PIBF1: variants seen among roughly 807,000 people sequenced by gnomAD.
The protein encoded by PIBF1 is progesterone immunomodulatory binding factor 1.
In PIBF1, 90 loss-of-function variants were observed where a neutral mutation model predicts 112.5. The observed-to-expected ratio is 0.80, with a 90% CI of 0.67 to 0.95. PIBF1 has a LOEUF of 0.95. PIBF1 is among the 40% of genes least tolerant of loss of function. The probability of loss-of-function intolerance (pLI) is 0.00; values close to 1 mark genes in which losing one functional copy is unlikely to be tolerated. For missense variants in PIBF1, 915 were observed against 852.3 expected, an observed-to-expected ratio of 1.07 and a Z score of -0.92; for synonymous variants, 301 against 288.6, an observed-to-expected ratio of 1.04 and a Z score of -0.44.
Position 72,893,933 on chromosome 13 carries a change from A to T in PIBF1, c.1472A>T (p.Tyr491Phe). The T allele has an allele frequency of 1.3e-6, 2 of 1,598,434 alleles. No homozygotes were observed. The highest frequency in any genetic ancestry group is 1.7e-6 in the Non-Finnish European group (2 of 1,173,050). ...CAGTGTCAATTGGAATGTGAAAAAT[A>T]TCAGAAAAAATTGGAGGTACATGTA... The part of the protein sequence containing the change: ...LTQCQLECEK[Y>F]QKKLEVLTKE... Residue 491 changes from tyrosine to phenylalanine, a missense_variant, in exon 11 of 18, where the codon TAT becomes TTT. By Grantham distance (22) the Tyr-to-Phe change is conservative. Coordinates refer to ENST00000326291, the MANE Select transcript of PIBF1 (RefSeq NM_006346.4).
intron 9 of PIBF1, among the ~76,000 whole-genome samples, chr13:72,843,701 C>T (rs574110863): frequency 1.3e-5 from 2 of 152,268 alleles, no homozygotes; most frequent in East Asian, 1.9e-4. Context: ...CATGAGCCAC[C>T]GCGCCTGGCC....
intron 5 of PIBF1, among the ~76,000 whole-genome samples, chr13:72,818,678 CTTT>C (rs3077726): frequency 2.6e-4 from 21 of 80,392 alleles, no homozygotes; most frequent in East Asian, 1.6e-3. Flanking sequence ...CAGTCTTAAA[CTTT>C]TTTTTTTTTT....
chr13:72,827,347 C>T (rs757266204), intron 7 of PIBF1, among the ~76,000 whole-genome samples: 25 of 143,574 alleles, frequency 1.7e-4, no homozygotes, highest in Admixed American at 4.5e-4. Context: ...CTCCCAGGTT[C>T]AAACGATTCT....
chr13:72,833,722 G>A (rs1359596384), intron 8 of PIBF1, among the ~76,000 whole-genome samples: 1 of 152,160 alleles, frequency 6.6e-6, no homozygotes, highest in Non-Finnish European at 1.5e-5. Context: ...AGGATACACG[G>A]GGGTCAGGGA....
chr13:72,885,246 A>G (rs76735122), intron 10 of PIBF1, among the ~76,000 whole-genome samples: 327 of 152,198 alleles, frequency 2.1e-3, no homozygotes, highest in African/African-American at 7.5e-3. Flanking sequence ...CCTAACCTAT[A>G]ATCATTTTGG....
chr13:72,933,134 AG>A (rs2041763092), intron 14 of PIBF1, among the ~76,000 whole-genome samples: 8 of 152,250 alleles, frequency 5.3e-5, no homozygotes, highest in Admixed American at 5.2e-4. Flanking sequence ...AATATATTGT[AG>A]ATCCCTCATG....
Position 72,927,950 on chromosome 13 carries a change from TATATATATACAC to T in PIBF1, c.1731-3205_1731-3194del, listed in dbSNP as rs1395102751. Among the ~76,000 whole-genome samples the T allele has an allele frequency of 1.9e-3, 122 of 64,154 alleles. 1 individual carries two copies. Among genetic ancestry groups the T allele is most frequent in the African/African-American group, 3.7e-3 (58 of 15,844 alleles). 42.1% of individuals were successfully genotyped at this position (64,154 alleles called of 152,430 possible). On this transcript the variant is annotated intron_variant, in intron 13 of 17. Transcript: ENST00000326291. ...ACCATTTCTAATATATGTGTGTATA[TATATATATACAC>T]ATATATATATATATACATATATATA...
At chr13:72,884,622 T>C (rs2039772918) in intron 10 of PIBF1, 1 of 152,236 alleles carries the variant, frequency 6.6e-6, no homozygotes, top group East Asian at 1.9e-4. Context: ...AGGCTCTTTA[T>C]TATTTCATTT....
At chr13:72,937,842 C>T (rs536406110) in intron 14 of PIBF1, among the ~76,000 whole-genome samples, 2 of 152,028 alleles carry the variant, frequency 1.3e-5, no homozygotes, top group Admixed American at 1.3e-4. Context: ...ATGAAATAAA[C>T]AGTGATAATC....
chr13:72,957,861 A>G (rs1403341172), intron 14 of PIBF1, among the ~76,000 whole-genome samples: 2 of 152,080 alleles, frequency 1.3e-5, no homozygotes, highest in Non-Finnish European at 2.9e-5. Flanking sequence ...AAGTGGAAGG[A>G]GGATTGCTTG....
intron 17 of PIBF1, among the ~76,000 whole-genome samples, chr13:73,012,594 CAAA>C (rs767218753): frequency 6.7e-6 from 1 of 149,200 alleles, no homozygotes; most frequent in Non-Finnish European, 1.5e-5. Context: ...CAAAAAAAAA[CAAA>C]AAAAACACTT....
intron 17 of PIBF1, among the ~76,000 whole-genome samples, chr13:73,004,266 G>A (rs907163285): frequency 6.6e-6 from 1 of 152,004 alleles, no homozygotes; most frequent in Non-Finnish European, 1.5e-5. Context: ...CGAGGTGGGC[G>A]GCTCACCTGA....
chr13:72,802,583 A>G (rs1367837806), intron 5 of PIBF1, among the ~76,000 whole-genome samples: 1 of 152,206 alleles, frequency 6.6e-6, no homozygotes, highest in Non-Finnish European at 1.5e-5. Flanking sequence ...GTTAGTTTGA[A>G]TAACTGGAAG....
In PIBF1 at chr13:72,924,568, A is replaced by T. The variant is rs116803937; in HGVS notation, c.1731-6597A>T. 5.3e-3 allele frequency among the ~76,000 whole-genome samples: 814 copies of T among 152,278 alleles called. 15 individuals carry two copies. Among genetic ancestry groups the T allele is most frequent in the African/African-American group, 0.018 (763 of 41,552 alleles). On this transcript the variant is annotated intron_variant, in intron 13 of 17. Coordinates refer to ENST00000326291, the MANE Select transcript of PIBF1 (RefSeq NM_006346.4). ...GAAACACAGCCTCTACAAAAATTTT[A>T]AAAATGAGCCAATCACCCTAATGCA...
chr13:72,872,803 C>T (rs1446440762), intron 10 of PIBF1, among the ~76,000 whole-genome samples: 1 of 152,066 alleles, frequency 6.6e-6, no homozygotes, highest in East Asian at 1.9e-4. Flanking sequence ...TAGCGCTATA[C>T]ATTTAAAACT....
chr13:73,005,759 T>A (rs1168973481), intron 17 of PIBF1, among the ~76,000 whole-genome samples: 1 of 152,082 alleles, frequency 6.6e-6, no homozygotes, highest in African/African-American at 2.4e-5. Flanking sequence ...ATAACACACA[T>A]GGAAAATTAT....
intron 16 of PIBF1, among the ~76,000 whole-genome samples, chr13:72,997,936 G>C (rs1416524417): frequency 6.6e-6 from 1 of 151,990 alleles, no homozygotes; most frequent in Non-Finnish European, 1.5e-5. Context: ...AATACACTTG[G>C]GAGCAAGAAC....
chr13:73,010,229 G>T (rs1250019461), intron 17 of PIBF1, among the ~76,000 whole-genome samples: 12 of 123,538 alleles, frequency 9.7e-5, no homozygotes, highest in Non-Finnish European at 9.8e-5. Context: ...TTCTATGCTA[G>T]TTTTTTTTTT....
chr13:72,835,600 T>A (rs938651483), intron 9 of PIBF1, among the ~76,000 whole-genome samples: 1 of 147,028 alleles, frequency 6.8e-6, no homozygotes, highest in Non-Finnish European at 1.5e-5. Context: ...CTTTTTTTTT[T>A]ACCCTAGTGA....
Sources: gnomAD v4.1 joint callset for allele counts (sites outside exome capture counted in the v4.1 genomes callset) on GRCh38, gnomAD v4.1.1 for gene constraint, MANE v1.5 for transcripts, NCBI Gene and HGNC (gene_info 2026-07-23, HGNC 2026-07-21) for gene names.